The following CDH18 variants were observed in gnomAD, a reference collection of about 807,000 sequenced individuals.
The protein encoded by CDH18 is cadherin-18.
Under a neutral mutation model 67.9 loss-of-function variants are expected in CDH18, and 31 were observed. That is an observed-to-expected ratio of 0.46 (90% CI 0.34 to 0.62). The LOEUF is 0.62. Among genes scored for constraint, CDH18 ranks in the 20% least tolerant of loss-of-function variants. The pLI is 0.01. For missense variants in CDH18, 890 were observed against 975.5 expected (o/e 0.91, Z 1.17); for synonymous variants, 362 against 347.2 (o/e 1.04, Z -0.48).
At chr5:20,564,105 T>C (rs1758365960) in intron 1 of CDH18, among the ~76,000 whole-genome samples, 1 of 151,938 alleles carries the variant, frequency 6.6e-6, no homozygotes, top group Admixed American at 6.6e-5. Context: ...AATTATATAC[T>C]TCCACAATCG....
chr5:19,805,928 T>C (rs948870166), intron 3 of CDH18, among the ~76,000 whole-genome samples: 4 of 152,212 alleles, frequency 2.6e-5, no homozygotes. Context: ...CAAACACTTA[T>C]GGATAAACCA....
At chr5:20,303,832 G>A (rs1334550876) in intron 1 of CDH18, among the ~76,000 whole-genome samples, 1 of 152,162 alleles carries the variant, frequency 6.6e-6, no homozygotes, top group Non-Finnish European at 1.5e-5. Flanking sequence ...GCATTCAAAT[G>A]TATTTTACAC....
At chr5:20,274,175 T>C (rs186311736) in intron 1 of CDH18, among the ~76,000 whole-genome samples, 3 of 152,304 alleles carry the variant, frequency 2.0e-5, no homozygotes, top group Admixed American at 1.3e-4. Context: ...AGAGAGAGCA[T>C]GGCCTTGCTG....
intron 2 of CDH18, among the ~76,000 whole-genome samples, chr5:20,187,298 C>T (rs1009900202): frequency 6.6e-6 from 1 of 151,574 alleles, no homozygotes; most frequent in African/African-American, 2.4e-5. Flanking sequence ...GTATATTTTA[C>T]AAGAATAAGA....
chr5:20,233,848 T>G (rs1481321005), intron 2 of CDH18, among the ~76,000 whole-genome samples: 1 of 152,156 alleles, frequency 6.6e-6, no homozygotes, highest in Non-Finnish European at 1.5e-5. Context: ...AATTTTGCAG[T>G]GTTCTTGTAA....
chr5:20,078,184 G>C (rs980481740), intron 2 of CDH18, among the ~76,000 whole-genome samples: 1 of 152,134 alleles, frequency 6.6e-6, no homozygotes, highest in African/African-American at 2.4e-5. Context: ...ACTTATGGCC[G>C]GGTGTGGTGG....
chr5:20,068,469 G>C (rs985174202), intron 2 of CDH18, among the ~76,000 whole-genome samples: 1 of 151,948 alleles, frequency 6.6e-6, no homozygotes, highest in South Asian at 2.1e-4. Flanking sequence ...GTGAACATAG[G>C]GTATATGGGA....
chr5:19,772,330 C>A (rs1053350596), intron 3 of CDH18, among the ~76,000 whole-genome samples: 2 of 152,022 alleles, frequency 1.3e-5, no homozygotes, highest in African/African-American at 4.8e-5. Context: ...CAGATATGCC[C>A]AATAAAATCC....
At chr5:20,120,236 G>T (rs944484275) in intron 2 of CDH18, among the ~76,000 whole-genome samples, 1 of 152,084 alleles carries the variant, frequency 6.6e-6, no homozygotes, top group Non-Finnish European at 1.5e-5. Context: ...AAATAGTTCT[G>T]CCTGTAAGGT....
intron 2 of CDH18, among the ~76,000 whole-genome samples, chr5:19,996,448 T>C (rs553605172): frequency 4.6e-5 from 7 of 152,170 alleles, no homozygotes; most frequent in African/African-American, 1.7e-4. Context: ...CCTGGGTCTT[T>C]GACTATGGCA....
chr5:20,046,854 T>G (rs139317165), intron 2 of CDH18, among the ~76,000 whole-genome samples: 2 of 151,660 alleles, frequency 1.3e-5, no homozygotes, highest in South Asian at 2.1e-4. Flanking sequence ...TCAAAAAAGG[T>G]TGGGAGAAGG....
intron 2 of CDH18, among the ~76,000 whole-genome samples, chr5:20,149,058 TG>T (rs1750889883): frequency 6.6e-6 from 1 of 152,162 alleles, no homozygotes; most frequent in Non-Finnish European, 1.5e-5. Context: ...TAAGGAATAT[TG>T]GTAGCTGATC....
At chr5:20,296,516 C>T (rs1161669276) in intron 1 of CDH18, among the ~76,000 whole-genome samples, 2 of 152,092 alleles carry the variant, frequency 1.3e-5, no homozygotes, top group Non-Finnish European at 2.9e-5. Flanking sequence ...CCGCTTCAGC[C>T]TCCCAAAGTG....
At chr5:19,811,338 A>G (rs1778723445) in intron 3 of CDH18, among the ~76,000 whole-genome samples, 1 of 152,130 alleles carries the variant, frequency 6.6e-6, no homozygotes, top group East Asian at 1.9e-4. Context: ...TAGGGTCATT[A>G]AGGCAGTCAT....
intron 2 of CDH18, among the ~76,000 whole-genome samples, chr5:19,875,803 G>GT (rs1217735790): frequency 6.6e-6 from 1 of 151,700 alleles, no homozygotes; most frequent in Non-Finnish European, 1.5e-5. Context: ...CCAAATTATA[G>GT]TTTATTAATT....
chr5:19,928,996 C>A (rs1446612328), intron 2 of CDH18, among the ~76,000 whole-genome samples: 4 of 152,010 alleles, frequency 2.6e-5, no homozygotes, highest in Non-Finnish European at 5.9e-5. Flanking sequence ...ACATACACAT[C>A]GTTTTCATCC....
intron 11 of CDH18, among the ~76,000 whole-genome samples, chr5:19,499,918 T>C (rs1256339316): frequency 6.6e-6 from 1 of 152,170 alleles, no homozygotes; most frequent in African/African-American, 2.4e-5. Context: ...TTCGGGGCTA[T>C]GTCTGATTTC....
chr5:20,374,158 T>C (rs973163483), intron 1 of CDH18, among the ~76,000 whole-genome samples: 3 of 152,100 alleles, frequency 2.0e-5, no homozygotes, highest in Non-Finnish European at 4.4e-5. Flanking sequence ...TTACAAGGAA[T>C]GGGTTAAAAG....
At chr5:19,593,110 T>C (rs1745445812) in intron 6 of CDH18, among the ~76,000 whole-genome samples, 1 of 152,194 alleles carries the variant, frequency 6.6e-6, no homozygotes. Flanking sequence ...CTATTGTGAA[T>C]AATGCTGCAA....
Sources: gnomAD v4.1 joint callset for allele counts (sites outside exome capture counted in the v4.1 genomes callset) on GRCh38, gnomAD v4.1.1 for gene constraint, MANE v1.5 for transcripts, NCBI Gene and HGNC (gene_info 2026-07-23, HGNC 2026-07-21) for gene names.